RPS6KA2: variants seen among roughly 807,000 people sequenced by gnomAD.
RPS6KA2 encodes the protein ribosomal protein S6 kinase alpha-2.
RPS6KA2 carries 42 observed loss-of-function variants against 91.8 expected under a neutral mutation model. The observed-to-expected ratio is 0.46, with a 90% CI of 0.36 to 0.59. The LOEUF (loss-of-function observed/expected upper bound fraction) is 0.59. Ranked by LOEUF, RPS6KA2 falls within the 20% of genes least tolerant of loss-of-function variation. RPS6KA2 has a pLI of 0.00. For missense variants in RPS6KA2, 798 were observed against 978.5 expected (o/e 0.82, Z 2.46); for synonymous variants, 414 against 393.6 (o/e 1.05, Z -0.61).
intron 3 of RPS6KA2, among the ~76,000 whole-genome samples, chr6:166,517,392 G>T (rs891196472): frequency 1.3e-5 from 2 of 150,574 alleles, no homozygotes; most frequent in African/African-American, 2.5e-5. Context: ...TGACATGCTT[G>T]TGATGGCCTT....
intron 1 of RPS6KA2, among the ~76,000 whole-genome samples, chr6:166,608,016 A>T (rs1425936940): frequency 2.7e-5 from 3 of 111,578 alleles, no homozygotes; most frequent in Admixed American, 9.2e-5. Context: ...TCTCAGAAAG[A>T]AAAAAAAAAA....
intron 17 of RPS6KA2, among the ~76,000 whole-genome samples, chr6:166,422,072 G>A (rs931050787): frequency 4.6e-5 from 7 of 151,990 alleles, no homozygotes; most frequent in Admixed American, 3.3e-4. Context: ...GCTAATTTTT[G>A]TATTTTTAGT....
In RPS6KA2 at chr6:166,493,376, C is replaced by A. The variant is rs527249189; in HGVS notation, c.748-2635G>T. ...TTGTCTGAATGGAGCTGCCCGGGAA[C>A]TTTCCAGTGCCGAAGCATTACTGAC... is the stretch of plus-strand genomic sequence containing the variant. On this transcript the variant is annotated intron_variant, in intron 8 of 20. Transcript: ENST00000265678. The surrounding 1 kb of genome is among the most constrained non-coding windows in gnomAD (Gnocchi z 4.7). Among the ~76,000 whole-genome samples the A allele has an allele frequency of 1.3e-5, 2 of 152,114 alleles. No individual in the cohort carries two copies. Among genetic ancestry groups the A allele is most frequent in the African/African-American group, 4.8e-5 (2 of 41,388 alleles).
At chr6:166,537,524 T>C (rs546620709) in intron 2 of RPS6KA2, among the ~76,000 whole-genome samples, 1 of 152,382 alleles carries the variant, frequency 6.6e-6, no homozygotes, top group African/African-American at 2.4e-5. Context: ...TATGGTTTAA[T>C]CTAACGTATA....
At chr6:166,507,689 C>T (rs1358163980) in intron 5 of RPS6KA2, among the ~76,000 whole-genome samples, 1 of 150,460 alleles carries the variant, frequency 6.6e-6, no homozygotes, top group Non-Finnish European at 1.5e-5. Context: ...AACACACCCC[C>T]ACATATACAC....
intron 2 of RPS6KA2, among the ~76,000 whole-genome samples, chr6:166,735,799 C>T (rs972346991): frequency 6.6e-6 from 1 of 152,242 alleles, no homozygotes; most frequent in African/African-American, 2.4e-5. Flanking sequence ...TCACCTGCCA[C>T]TCACCTCCTG....
chr6:166,661,785 TTAAA>T, intron 2 of RPS6KA2, among the ~76,000 whole-genome samples: 1 of 152,182 alleles, frequency 6.6e-6, no homozygotes, highest in East Asian at 1.9e-4. Flanking sequence ...CTGAAATCGG[TTAAA>T]TATTCTAGAG....
Position 166,413,013 on chromosome 6 carries a change from T to A in RPS6KA2, c.2077-126A>T, listed in dbSNP as rs1778366549. On this transcript the variant is annotated intron_variant, in intron 20 of 20. Transcript: ENST00000265678. ...GGGAGAAACCAGAGCTTCCCCAGGG[T>A]CCCTGGAGCATGGAGTGCTGTTAGC... 14 of 1,048,552 alleles carry A rather than the reference T, an allele frequency of 1.3e-5. No homozygotes were observed. In the East Asian group the frequency reaches 2.5e-4, roughly 19 times the overall value. The allele number at this position is 1,048,552 out of a possible 1,614,324, so 65.0% of individuals were successfully genotyped here. A position where few individuals can be genotyped will look rare whatever the true frequency, so the allele number is the denominator to read the frequency against.
chr6:166,439,248 C>A (rs1216195438), intron 14 of RPS6KA2, among the ~76,000 whole-genome samples: 1 of 152,194 alleles, frequency 6.6e-6, no homozygotes. Context: ...GTTCGGATTA[C>A]AGGCACGCGC....
intron 2 of RPS6KA2, among the ~76,000 whole-genome samples, chr6:166,803,048 T>C (rs1167558966): frequency 6.6e-6 from 1 of 152,076 alleles, no homozygotes; most frequent in African/African-American, 2.4e-5. Context: ...TGTTGGGTAC[T>C]AAATCTATTT....
chr6:166,596,621 C>T (rs1785542702), intron 1 of RPS6KA2, among the ~76,000 whole-genome samples: 1 of 152,158 alleles, frequency 6.6e-6, no homozygotes, highest in Non-Finnish European at 1.5e-5. Context: ...TGTAGTCTTC[C>T]CTAATTTTGA....
At chr6:166,839,269 C>T (rs1437735254) in intron 2 of RPS6KA2, among the ~76,000 whole-genome samples, 4 of 152,134 alleles carry the variant, frequency 2.6e-5, no homozygotes, top group Non-Finnish European at 5.9e-5. Context: ...AAGTAGCTTC[C>T]TGCATTGTTC....
At chr6:166,741,445 C>T (rs1790812582) in intron 2 of RPS6KA2, among the ~76,000 whole-genome samples, 1 of 152,244 alleles carries the variant, frequency 6.6e-6, no homozygotes, top group African/African-American at 2.4e-5. Context: ...TCATTCTCTG[C>T]ACTTTCCTAT....
chr6:166,799,695 T>C (rs184263530), intron 2 of RPS6KA2, among the ~76,000 whole-genome samples: 1 of 152,290 alleles, frequency 6.6e-6, no homozygotes, highest in Admixed American at 6.5e-5. Flanking sequence ...TTTTGGAATA[T>C]CAATGTTTTG....
At chr6:166,796,988 T>C (rs908905906) in intron 2 of RPS6KA2, among the ~76,000 whole-genome samples, 2 of 152,240 alleles carry the variant, frequency 1.3e-5, no homozygotes, top group African/African-American at 4.8e-5. Context: ...CTCTCTACAC[T>C]GCGTTTCATT....
At chr6:166,723,516 C>T (rs1229635325) in intron 2 of RPS6KA2, among the ~76,000 whole-genome samples, 1 of 152,124 alleles carries the variant, frequency 6.6e-6, no homozygotes, top group East Asian at 1.9e-4. Context: ...CCAGGAAGGC[C>T]GTGCCAGTAC....
At chr6:166,857,903 AATGCACC>A (rs1780948541) in intron 2 of RPS6KA2, among the ~76,000 whole-genome samples, 1 of 152,148 alleles carries the variant, frequency 6.6e-6, no homozygotes, top group African/African-American at 2.4e-5. Flanking sequence ...GACTGGTACT[AATGCACC>A]ATGACCCTCA....
chr6:166,607,138 G>A (rs1344322312), intron 1 of RPS6KA2, among the ~76,000 whole-genome samples: 7 of 95,386 alleles, frequency 7.3e-5, no homozygotes, highest in East Asian at 8.2e-4. Flanking sequence ...GGAAAACTCC[G>A]TCAAAAAAAA....
chr6:166,723,417 C>T (rs2128585634), intron 2 of RPS6KA2, among the ~76,000 whole-genome samples: 1 of 152,012 alleles, frequency 6.6e-6, no homozygotes, highest in Middle Eastern at 3.4e-3. Flanking sequence ...TGGGGGGTCC[C>T]ACACGTGTGC....
Sources: allele counts gnomAD v4.1 joint callset (sites outside exome capture counted in the v4.1 genomes callset), GRCh38; gene constraint gnomAD v4.1.1; non-coding constraint Gnocchi (gnomAD v3.1); transcripts MANE v1.5; gene names NCBI Gene and HGNC (gene_info 2026-07-23, HGNC 2026-07-21).